SLC41A2: variants seen among roughly 807,000 people sequenced by gnomAD.
The protein encoded by SLC41A2 is solute carrier family 41 member 2.
In SLC41A2, 32 loss-of-function variants were observed where a neutral mutation model predicts 58.3. The observed-to-expected ratio is 0.55, with a 90% confidence interval of 0.41 to 0.74. SLC41A2 has a LOEUF of 0.74. Ranked by LOEUF, SLC41A2 falls within the 30% of genes least tolerant of loss-of-function variation. SLC41A2 has a pLI of 0.00. For synonymous variants in SLC41A2, 190 were observed against 235.0 expected, an observed-to-expected ratio of 0.81 and a Z score of 1.75; for missense variants, 514 against 680.6, an observed-to-expected ratio of 0.76 and a Z score of 2.72.
At chr12:104,882,453 G>A (rs988732743) in intron 6 of SLC41A2, among the ~76,000 whole-genome samples, 1 of 152,080 alleles carries the variant, frequency 6.6e-6, no homozygotes, top group Non-Finnish European at 1.5e-5. Flanking sequence ...GCAGTGGCTG[G>A]TACTGGTTTT....
chr12:104,895,521 C>T (rs1413818104), intron 3 of SLC41A2, among the ~76,000 whole-genome samples, 176 bp from the exon 4 acceptor site: 1 of 152,158 alleles, frequency 6.6e-6, no homozygotes, highest in Non-Finnish European at 1.5e-5. Flanking sequence ...TAACGCTAGG[C>T]TTGACTAACA....
At chr12:104,811,842 G>T (rs776723627) in intron 10 of SLC41A2, among the ~76,000 whole-genome samples, 1 of 152,230 alleles carries the variant, frequency 6.6e-6, no homozygotes, top group South Asian at 2.1e-4. Context: ...GGACTTGGAA[G>T]TATTAGATGG....
At chr12:104,895,234 G>A (rs1420173743) in intron 4 of SLC41A2, 40 bp downstream of exon 4, 3 of 1,464,300 alleles carry the variant, frequency 2.0e-6, no homozygotes, top group Non-Finnish European at 2.9e-6. Flanking sequence ...GTCAAAATTT[G>A]TACACCCAAG....
rs12302715 is a variant in SLC41A2, at chr12:104,802,389, G to T, written c.*2763C>A. The stretch of plus-strand genomic sequence containing the variant: ...GTCATTTTATCTGTTGCATACTTAC[G>T]TGAAGGCTTTCAAAAGGTCAGTAAT... On this transcript the variant is annotated 3_prime_UTR_variant, in exon 11 of 11. Coordinates refer to ENST00000258538, the MANE Select transcript of SLC41A2 (RefSeq NM_001352171.3). Among the ~76,000 whole-genome samples the T allele has an allele frequency of 5.3e-5, 8 of 152,100 alleles. No individual in the cohort carries two copies. The highest frequency in any genetic ancestry group is 1.4e-4 in the African/African-American group (6 of 41,396).
intron 1 of SLC41A2, among the ~76,000 whole-genome samples, chr12:104,952,196 T>C (rs2047981778): frequency 6.6e-6 from 1 of 152,180 alleles, no homozygotes; most frequent in African/African-American, 2.4e-5. Context: ...TACTACTGCA[T>C]AATGTTCCTA....
intron 8 of SLC41A2, among the ~76,000 whole-genome samples, chr12:104,860,732 C>T (rs1036818559): frequency 2.6e-5 from 4 of 151,932 alleles, no homozygotes; most frequent in Non-Finnish European, 5.9e-5. Flanking sequence ...TGTGTGCCAC[C>T]ACATCTGGCT....
intron 10 of SLC41A2, among the ~76,000 whole-genome samples, chr12:104,823,874 T>G (rs1042419908): frequency 2.6e-5 from 4 of 152,174 alleles, no homozygotes; most frequent in Admixed American, 6.5e-5. Context: ...AAAATTATAT[T>G]GTATTAGGGA....
At chr12:104,930,116 C>A (rs991295921) in intron 1 of SLC41A2, among the ~76,000 whole-genome samples, 11 of 152,300 alleles carry the variant, frequency 7.2e-5, no homozygotes, top group African/African-American at 2.6e-4. Context: ...GACCTACTGA[C>A]TCAGAATGTG....
At chr12:104,931,163 C>G (rs1279003497) in intron 1 of SLC41A2, among the ~76,000 whole-genome samples, 1 of 152,254 alleles carries the variant, frequency 6.6e-6, no homozygotes, top group Non-Finnish European at 1.5e-5. Flanking sequence ...CATAACCTTA[C>G]ACATCAGACT....
chr12:104,843,264 A>C (rs1441060723), intron 10 of SLC41A2, among the ~76,000 whole-genome samples: 1 of 151,822 alleles, frequency 6.6e-6, no homozygotes, highest in East Asian at 1.9e-4. Context: ...GTCTGAACTT[A>C]TTCCTCCTGG....
chr12:104,835,783 C>T (rs1359634913), intron 10 of SLC41A2, among the ~76,000 whole-genome samples: 1 of 152,142 alleles, frequency 6.6e-6, no homozygotes, highest in African/African-American at 2.4e-5. Context: ...AGAGAAGAGG[C>T]AGCTGTAAAT....
rs2046168639 is a variant in SLC41A2, at chr12:104,913,426, T to C, written c.556-3664A>G. Among the ~76,000 whole-genome samples, 3 of 152,284 alleles carry C rather than the reference T, an allele frequency of 2.0e-5. No individual in the cohort carries two copies. The Middle Eastern group carries it at 0.01, about 518-fold the overall frequency. On this transcript the variant is annotated intron_variant, in intron 2 of 10. Coordinates refer to ENST00000258538, the MANE Select transcript of SLC41A2 (RefSeq NM_001352171.3). ...TCTTGACTGCTCCCACCCTCTTTTG[T>C]AGTTTCAGCAAAACAACTGACCAGG...
intron 10 of SLC41A2, among the ~76,000 whole-genome samples, chr12:104,823,014 A>G (rs954656079): frequency 6.6e-6 from 1 of 152,196 alleles, no homozygotes; most frequent in Non-Finnish European, 1.5e-5. Flanking sequence ...GAGAAAGAAC[A>G]TAGAGAACAA....
chr12:104,843,473 C>T lies in SLC41A2; in HGVS notation c.1536+999G>A, dbSNP rs560802371. Among the ~76,000 whole-genome samples, 2 of 152,090 alleles carry T rather than the reference C, an allele frequency of 1.3e-5. 1 individual carries two copies. Among genetic ancestry groups the T allele is most frequent in the South Asian group, 4.2e-4 (2 of 4,818 alleles). ...CCTTGCATTTAAGGCCTTTTCTATA[C>T]CAGCCCTAATCAACCTTCTTAACCT... On this transcript the variant is annotated intron_variant, in intron 10 of 10. Coordinates refer to ENST00000258538, the MANE Select transcript of SLC41A2 (RefSeq NM_001352171.3).
chr12:104,827,316 C>T (rs1375791785), intron 10 of SLC41A2, among the ~76,000 whole-genome samples: 1 of 152,118 alleles, frequency 6.6e-6, no homozygotes, highest in Non-Finnish European at 1.5e-5. Context: ...TCACCTCGGT[C>T]TTTTATAATA....
rs142403120 is a variant in SLC41A2, at chr12:104,955,515, G to C, written c.-168+2573C>G. ...TTTTCTGTCCACTGACCATGACACT[G>C]CTCCTTGGCTATAAATTCCCATTTG... On this transcript the variant is annotated intron_variant, in intron 1 of 10. Coordinates refer to ENST00000258538, the MANE Select transcript of SLC41A2 (RefSeq NM_001352171.3). 3.7e-3 allele frequency among the ~76,000 whole-genome samples: 565 copies of C among 152,234 alleles called. 3 individuals are homozygous for C. Among genetic ancestry groups the C allele is most frequent in the Non-Finnish European group, 6.1e-3 (415 of 68,016 alleles).
chr12:104,834,607 T>C (rs2042146539), intron 10 of SLC41A2, among the ~76,000 whole-genome samples: 1 of 152,054 alleles, frequency 6.6e-6, no homozygotes, highest in East Asian at 1.9e-4. Context: ...AGTAACCTGT[T>C]TAAATCTCCT....
chr12:104,906,949 TA>T (rs370146921), intron 3 of SLC41A2, among the ~76,000 whole-genome samples: 187 of 152,328 alleles, frequency 1.2e-3, no homozygotes, highest in Middle Eastern at 6.8e-3. Flanking sequence ...CCACGTTGTG[TA>T]AAATAGCCCT....
chr12:104,856,804 C>T (rs866176852), intron 8 of SLC41A2, among the ~76,000 whole-genome samples: 2 of 151,942 alleles, frequency 1.3e-5, no homozygotes, highest in African/African-American at 2.4e-5. Flanking sequence ...GGAAAGAGCA[C>T]GCTGGGAGAG....
Sources: gnomAD v4.1 joint callset for allele counts (sites outside exome capture counted in the v4.1 genomes callset) on GRCh38, gnomAD v4.1.1 for gene constraint, MANE v1.5 for transcripts, NCBI Gene and HGNC (gene_info 2026-07-23, HGNC 2026-07-21) for gene names.